DBI: variants seen among roughly 807,000 people sequenced by gnomAD.
The protein encoded by DBI is acyl-CoA-binding protein.
In DBI, 12 loss-of-function variants were observed where a neutral mutation model predicts 13.0. The observed-to-expected ratio is 0.92, with a 90% CI of 0.59 to 1.49. The LOEUF (loss-of-function observed/expected upper bound fraction) is 1.49, where lower values mean the gene tolerates loss of function less well. Among genes scored for constraint, DBI ranks in the 40% most tolerant of loss-of-function variants. The pLI, the probability that DBI is intolerant of heterozygous loss-of-function variation, is 0.00. For missense variants in DBI, 95 were observed against 104.8 expected (o/e 0.91, Z 0.41); for synonymous variants, 37 against 37.4 (o/e 0.99, Z 0.04).
chr2:119,368,126 A>T, intron 1 of DBI, 62 bp from the exon 2 acceptor site: 1 of 1,524,856 alleles, frequency 6.6e-7, no homozygotes, highest in Non-Finnish European at 9.1e-7. Flanking sequence ...AGGCCACAGT[A>T]GGATTCTTAC....
rs758454035 is a variant in DBI, at chr2:119,367,646, TCGGTGTTGAACGCG to T, written c.10-538_10-525del. ...GCCAATCCGGGCACTGGGACAGAGG[TCGGTGTTGAACGCG>T]CGGGCCCCAGGGGGAGGGAGGGGAC... On this transcript the variant is annotated intron_variant, in intron 1 of 3. Transcript: ENST00000355857. The T allele has an allele frequency of 3.7e-6, 6 of 1,613,856 alleles. No individual in the cohort carries two copies. The South Asian group carries it at 5.5e-5, about 15-fold the overall frequency.
Position 119,368,256 on chromosome 2 carries a change from G to A in DBI, c.78G>A (p.Leu26=), listed in dbSNP as rs148067402. Residue 26 remains leucine, a synonymous_variant, in exon 2 of 4, where the codon CTG becomes CTA. Transcript: ENST00000355857. ...CCAAGCCATCGGATGAGGAGATGCT[G>A]TTCATCTATGGCCACTACAAACAAG... ...LKTKPSDEEM[L]FIYGHYKQAT... 6.8e-6 allele frequency: 11 copies of A among 1,613,994 alleles called. No homozygotes were observed. The African/African-American group carries it at 1.2e-4, about 18-fold the overall frequency.
intron 2 of DBI, among the ~76,000 whole-genome samples, chr2:119,369,005 C>T (rs1162178993): frequency 6.6e-6 from 1 of 152,184 alleles, no homozygotes; most frequent in Non-Finnish European, 1.5e-5. Context: ...AGGAAGAAGG[C>T]GAGCATGGTC....
At chr2:119,367,359 T>G in intron 1 of DBI, 1 of 1,448,532 alleles carries the variant, frequency 6.9e-7, no homozygotes. Flanking sequence ...GGGAAGGGGT[T>G]GCACGGATTG....
chr2:119,368,405 C>A, intron 2 of DBI, 100 bp downstream of exon 2: 2 of 837,942 alleles, frequency 2.4e-6, no homozygotes, highest in African/African-American at 1.7e-5. Flanking sequence ...CTGCCTGAGG[C>A]CCTACTCTTC....
chr2:119,372,260 A>T lies in DBI; in HGVS notation c.206A>T (p.Asp69Val), dbSNP rs917081074. Residue 69 changes from aspartate to valine, a missense_variant, in exon 4 of 4, where the codon GAT (aspartate) becomes GTT (valine). Asp to Val is a radical substitution (Grantham distance 152). Transcript: ENST00000355857. ...WNELKGTSKE[D>V]AMKAYINKVE... ...TTCCTTACAGGGACTTCCAAGGAAG[A>T]TGCCATGAAAGCTTACATCAACAAA... is the stretch of plus-strand genomic sequence containing the variant. 2 of 1,613,420 alleles carry T rather than the reference A, an allele frequency of 1.2e-6. No individual in the cohort carries two copies. Among genetic ancestry groups the T allele is most frequent in the African/African-American group, 1.3e-5 (1 of 74,930 alleles).
intron 1 of DBI, chr2:119,367,817 G>C (rs577355930): frequency 1.2e-6 from 2 of 1,612,560 alleles, no homozygotes; most frequent in Non-Finnish European, 1.7e-6. Context: ...TGCCTGGCCC[G>C]GTGGTGGCCA....
intron 1 of DBI, chr2:119,367,625 A>G (rs571330549): frequency 1.2e-6 from 2 of 1,613,974 alleles, no homozygotes; most frequent in Non-Finnish European, 1.7e-6. Context: ...GCCTCTGCCA[A>G]TCCGGGCACT....
chr2:119,371,097 G>A (rs918196191), intron 3 of DBI, among the ~76,000 whole-genome samples: 2 of 152,202 alleles, frequency 1.3e-5, no homozygotes, highest in Non-Finnish European at 2.9e-5. Flanking sequence ...GGCTTTGGAT[G>A]TGTTCAGAAT....
intron 1 of DBI, chr2:119,367,525 A>C (rs1573713275): frequency 6.2e-7 from 1 of 1,604,540 alleles, no homozygotes. Context: ...CGGCCCGGGG[A>C]GAGGTGACCC....
At chr2:119,372,134 A>G in intron 3 of DBI, 111 bp from the exon 4 acceptor site, 1 of 748,134 alleles carries the variant, frequency 1.3e-6, no homozygotes, top group Non-Finnish European at 2.3e-6. Context: ...AACTTTATTA[A>G]GTGAGAAACT....
At chr2:119,367,222 G>A (rs1681072223) in intron 1 of DBI, 162 bp downstream of exon 1, 2 of 1,444,344 alleles carry the variant, frequency 1.4e-6, no homozygotes, top group African/African-American at 1.4e-5. Context: ...CTTGTGAGCG[G>A]GATTTTCCGT....
intron 3 of DBI, among the ~76,000 whole-genome samples, chr2:119,371,486 A>G (rs537230014): frequency 5.1e-4 from 77 of 152,286 alleles, no homozygotes; most frequent in African/African-American, 1.7e-3. Flanking sequence ...CACTCCTAGG[A>G]TCTGCAAGTA....
intron 2 of DBI, chr2:119,368,552 G>T: frequency 2.2e-6 from 1 of 445,000 alleles, no homozygotes; most frequent in East Asian, 4.0e-5. Flanking sequence ...CTCTACTAGG[G>T]AAGAAGCAAA....
chr2:119,370,526 A>G (rs557908431), intron 2 of DBI: 1 of 393,216 alleles, frequency 2.5e-6, no homozygotes, highest in South Asian at 9.9e-5. Context: ...TTGTAATAAG[A>G]ATACTGTTCT....
At position 119,367,203 on chromosome 2, in the gene DBI, G is replaced by A; in HGVS notation, c.9+143G>A. The A allele has an allele frequency of 2.7e-6, 4 of 1,461,918 alleles. No individual in the cohort carries two copies. In the South Asian group the frequency reaches 5.7e-5, roughly 21 times the overall value. The allele number at this position is 1,461,918 out of a possible 1,614,324, so 90.6% of individuals were successfully genotyped here. ...GGCCCATGCCTAGCCCTGATTCGTTGGACAGAGCCTTGTGAGCGGGATTTT... is the reference window on the plus strand; with the variant it reads ...GGCCCATGCCTAGCCCTGATTCGTTAGACAGAGCCTTGTGAGCGGGATTTT... On this transcript the variant is annotated intron_variant, in intron 1 of 3. Transcript: ENST00000355857.
intron 1 of DBI, chr2:119,367,453 A>T (rs2084202): frequency 1.9e-6 from 3 of 1,567,976 alleles, no homozygotes; most frequent in South Asian, 1.2e-5. Context: ...TCCGTGGCCG[A>T]GAGCTTGGAG....
chr2:119,372,218 A>G (rs1681565711), intron 3 of DBI, 27 bp from the exon 4 acceptor site: 1 of 1,587,636 alleles, frequency 6.3e-7, no homozygotes, highest in Non-Finnish European at 8.6e-7. Context: ...TACCTCCCTG[A>G]CACATAATCC....
chr2:119,368,776 A>G (rs1681284973), intron 2 of DBI: 1 of 161,580 alleles, frequency 6.2e-6, no homozygotes, highest in Non-Finnish European at 1.4e-5. Context: ...CTTCCTGATG[A>G]TAACTTTTTC....
Sources: gnomAD v4.1 joint callset for allele counts (sites outside exome capture counted in the v4.1 genomes callset) on GRCh38, gnomAD v4.1.1 for gene constraint, MANE v1.5 for transcripts, NCBI Gene and HGNC (gene_info 2026-07-23, HGNC 2026-07-21) for gene names.